PRELID2: variants seen among roughly 807,000 people sequenced by gnomAD.
PRELID2 encodes PRELI domain-containing protein 2.
In PRELID2, 25 loss-of-function variants were observed where a neutral mutation model predicts 28.4. The ratio of observed to expected loss-of-function variants is 0.88; its 90% CI spans 0.64 to 1.23. The LOEUF (loss-of-function observed/expected upper bound fraction) is 1.23. PRELID2 is among the 50% of genes most tolerant of loss of function. The pLI is 0.00. For missense variants in PRELID2, 201 were observed against 214.4 expected, an observed-to-expected ratio of 0.94 and a Z score of 0.39; for synonymous variants, 76 against 71.6, an observed-to-expected ratio of 1.06 and a Z score of -0.31.
At chr5:145,548,592 A>G (rs1376181504) in intron 1 of PRELID2, among the ~76,000 whole-genome samples, 1 of 152,158 alleles carries the variant, frequency 6.6e-6, no homozygotes, top group Non-Finnish European at 1.5e-5. Flanking sequence ...AGATCTGGGC[A>G]TCATTTCTGT....
chr5:145,655,436 T>A (rs1754376730), intron 1 of PRELID2, among the ~76,000 whole-genome samples: 1 of 152,166 alleles, frequency 6.6e-6, no homozygotes, highest in African/African-American at 2.4e-5. Flanking sequence ...GAGCCCGCAT[T>A]GCCAAAACAA....
intron 5 of PRELID2, among the ~76,000 whole-genome samples, chr5:145,774,068 T>C (rs1223653798): frequency 1.3e-5 from 2 of 152,222 alleles, no homozygotes; most frequent in African/African-American, 4.8e-5. Flanking sequence ...TTCAAAGCCA[T>C]ATTTCAGTCA....
chr5:145,391,057 A>G, the PRELID2 span, among the ~76,000 whole-genome samples: 1 of 152,158 alleles, frequency 6.6e-6, no homozygotes, highest in Non-Finnish European at 1.5e-5. Flanking sequence ...TTTGCAGGGT[A>G]CAGCCCCCCT....
chr5:145,404,342 G>T, the PRELID2 span, among the ~76,000 whole-genome samples: 1 of 152,194 alleles, frequency 6.6e-6, no homozygotes, highest in Admixed American at 6.5e-5. Context: ...GACAACACAA[G>T]CAACAGAGAC....
Position 145,733,148 on chromosome 5 carries a change from G to A in PRELID2, n.70+31783C>T, listed in dbSNP as rs535164753. Among the ~76,000 whole-genome samples, 11 of 151,850 alleles carry A rather than the reference G, an allele frequency of 7.2e-5. No individual in the cohort carries two copies. In the South Asian group the frequency reaches 2.1e-3, roughly 29 times the overall value. On this transcript the variant is annotated intron_variant and non_coding_transcript_variant, in intron 1 of 2. Coordinates refer to the PRELID2 transcript ENST00000510259. ...CGTACACCTGTAGTCCCAGCTACTC[G>A]CTACTCGAGAGGCTGAGGTGGGAGG...
chr5:145,322,085 T>C, the PRELID2 span, among the ~76,000 whole-genome samples: 1 of 152,216 alleles, frequency 6.6e-6, no homozygotes. Flanking sequence ...TCCAAATAAA[T>C]ATTAATAGCT....
At chr5:145,775,544 AAG>A (rs1758359001) in intron 5 of PRELID2, among the ~76,000 whole-genome samples, 1 of 152,224 alleles carries the variant, frequency 6.6e-6, no homozygotes, top group Non-Finnish European at 1.5e-5. Flanking sequence ...ACACTAAGTG[AAG>A]CTCCCTTGTG....
chr5:145,300,277 C>T, the PRELID2 span, among the ~76,000 whole-genome samples: 1 of 152,100 alleles, frequency 6.6e-6, no homozygotes, highest in African/African-American at 2.4e-5. Flanking sequence ...CTTCCTACCT[C>T]ATACCTGAAA....
At chr5:145,507,805 A>C (rs1196427641) in intron 1 of PRELID2, among the ~76,000 whole-genome samples, 1 of 152,198 alleles carries the variant, frequency 6.6e-6, no homozygotes, top group Admixed American at 6.6e-5. Context: ...ACATGGAGCC[A>C]GATGGAGTCC....
intron 1 of PRELID2, among the ~76,000 whole-genome samples, chr5:145,749,795 T>G (rs984060363): frequency 6.6e-6 from 1 of 152,208 alleles, no homozygotes. Context: ...TAAAAAAGAA[T>G]GAGATCTTGT....
At chr5:145,319,257 G>A in the PRELID2 span, among the ~76,000 whole-genome samples, 2 of 152,126 alleles carry the variant, frequency 1.3e-5, no homozygotes, top group Admixed American at 6.5e-5. Context: ...CCTGCTTCCT[G>A]TCCATATCAC....
chr5:145,668,320 A>G (rs771041065), intron 1 of PRELID2, among the ~76,000 whole-genome samples: 1 of 151,878 alleles, frequency 6.6e-6, no homozygotes, highest in Non-Finnish European at 1.5e-5. Context: ...AATCATCTGC[A>G]TAACCAATCT....
At chr5:145,559,126 G>GCGCC (rs1416228750) in intron 1 of PRELID2, among the ~76,000 whole-genome samples, 1 of 152,016 alleles carries the variant, frequency 6.6e-6, no homozygotes, top group Non-Finnish European at 1.5e-5. Context: ...GTAGTGGCAG[G>GCGCC]CGCCTGTAGT....
At chr5:145,580,667 T>C (rs1753100434) in intron 1 of PRELID2, among the ~76,000 whole-genome samples, 1 of 152,058 alleles carries the variant, frequency 6.6e-6, no homozygotes, top group Non-Finnish European at 1.5e-5. Flanking sequence ...TTCAATCTTA[T>C]TTTTGTCCTG....
At chr5:145,747,574 C>A (rs889189362) in intron 1 of PRELID2, among the ~76,000 whole-genome samples, 18 of 152,120 alleles carry the variant, frequency 1.2e-4, no homozygotes, top group African/African-American at 3.6e-4. Context: ...CAGATTGATT[C>A]ACAGCCGAAT....
the PRELID2 span, among the ~76,000 whole-genome samples, chr5:145,356,035 A>C: frequency 6.6e-6 from 1 of 152,164 alleles, no homozygotes; most frequent in Non-Finnish European, 1.5e-5. Context: ...GAATTCTTCC[A>C]ATGTCTTACT....
the PRELID2 span, among the ~76,000 whole-genome samples, chr5:145,422,256 G>C: frequency 6.6e-6 from 1 of 150,808 alleles, no homozygotes; most frequent in African/African-American, 2.4e-5. Context: ...GGTCCGCTTG[G>C]TGCAGAGCTG....
chr5:145,830,119 G>T (rs1303423561), intron 1 of PRELID2, among the ~76,000 whole-genome samples: 1 of 152,182 alleles, frequency 6.6e-6, no homozygotes, highest in African/African-American at 2.4e-5. Context: ...AAAAGAGTCA[G>T]TTCATTCATT....
chr5:145,277,831 C>A, the PRELID2 span, among the ~76,000 whole-genome samples: 1 of 152,160 alleles, frequency 6.6e-6, no homozygotes, highest in Middle Eastern at 3.2e-3. Context: ...TTGGGGTCAG[C>A]AGTAGCTGAT....
Sources: gnomAD v4.1 joint callset for allele counts (sites outside exome capture counted in the v4.1 genomes callset) on GRCh38, gnomAD v4.1.1 for gene constraint, MANE v1.5 for transcripts, NCBI Gene and HGNC (gene_info 2026-07-23, HGNC 2026-07-21) for gene names.